Variants in CNIH3 observed in about 807,000 individuals in gnomAD.
The protein encoded by CNIH3 is protein cornichon homolog 3.
Under a neutral mutation model 24.1 loss-of-function variants are expected in CNIH3, and 14 were observed. The observed-to-expected ratio is 0.58, with a 90% confidence interval of 0.38 to 0.91. The LOEUF (loss-of-function observed/expected upper bound fraction) is 0.91, where lower values mean the gene tolerates loss of function less well. Among genes scored for constraint, CNIH3 ranks in the 40% least tolerant of loss-of-function variants. The pLI, the probability that CNIH3 is intolerant of heterozygous loss-of-function variation, is 0.00. For synonymous variants in CNIH3, 68 were observed against 73.8 expected (o/e 0.92, Z 0.40); for missense variants, 178 against 196.8 (o/e 0.90, Z 0.57).
intron 3 of CNIH3, among the ~76,000 whole-genome samples, chr1:224,559,282 A>T (rs1199729996): frequency 1.3e-5 from 2 of 152,120 alleles, no homozygotes; most frequent in Non-Finnish European, 2.9e-5. Flanking sequence ...CTTTTGTTTT[A>T]AAAAAATGAT....
In CNIH3 at chr1:224,723,963, C is replaced by A. The variant is rs545144350; in HGVS notation, c.199-6499C>A. 1.3e-4 allele frequency among the ~76,000 whole-genome samples: 20 copies of A among 152,296 alleles called. 1 individual carries two copies. The South Asian group carries it at 4.2e-3, about 32-fold the overall frequency. Reference sequence around the variant, plus strand: ...AGACATGATGGTTCACGCCGCTAATCCCCACAATTTGGGAGGCTGAGGTAG... The same window carrying A: ...AGACATGATGGTTCACGCCGCTAATACCCACAATTTGGGAGGCTGAGGTAG... On this transcript the variant is annotated intron_variant, in intron 3 of 5. Coordinates refer to ENST00000272133, the MANE Select transcript of CNIH3 (RefSeq NM_152495.2).
intron 1 of CNIH3, among the ~76,000 whole-genome samples, chr1:224,460,001 A>G (rs1251915412): frequency 6.7e-6 from 1 of 149,550 alleles, no homozygotes; most frequent in Non-Finnish European, 1.5e-5. Flanking sequence ...CTCAGCCCCC[A>G]GAGTTGCTGG....
intron 2 of CNIH3, among the ~76,000 whole-genome samples, chr1:224,544,734 A>G (rs549804285): frequency 8.5e-5 from 13 of 152,312 alleles, no homozygotes; most frequent in African/African-American, 2.9e-4. Flanking sequence ...AAGAGCTCTC[A>G]GTTACTCTTG....
At position 224,684,792 on chromosome 1, in the gene CNIH3, AT is replaced by A. The variant is rs748148085; in HGVS notation, c.151-3del. The A allele has an allele frequency of 2.2e-5, 36 of 1,613,798 alleles. No individual in the cohort carries two copies. The highest frequency in any genetic ancestry group is 3.0e-5 in the Non-Finnish European group (35 of 1,179,712). ...TCTCATTTCTTTCTTGTGCATCCTGATAGAGGGAACGGTTGAGGAACATCGA... is the reference window on the plus strand; with the variant it reads ...TCTCATTTCTTTCTTGTGCATCCTGAAGAGGGAACGGTTGAGGAACATCGA... On this transcript the variant is annotated splice_region_variant and splice_polypyrimidine_tract_variant and intron_variant, in intron 2 of 5. Transcript: ENST00000272133. The surrounding 1 kb of genome is among the most constrained non-coding windows in gnomAD (Gnocchi z 4.2).
At chr1:224,685,261 C>T (rs371996178) in intron 3 of CNIH3, among the ~76,000 whole-genome samples, 2 of 152,120 alleles carry the variant, frequency 1.3e-5, no homozygotes, top group Non-Finnish European at 2.9e-5. Flanking sequence ...CAGCGTGTCA[C>T]GCAGCTTTGC....
rs187869851 is a variant in CNIH3 at position 224,597,203 on chromosome 1, A to C, written n.402+30939A>C. Among the ~76,000 whole-genome samples the C allele has an allele frequency of 3.0e-3, 462 of 152,094 alleles. 1 individual carries two copies. The highest frequency in any genetic ancestry group is 0.01 in the African/African-American group (423 of 41,518). On this transcript the variant is annotated intron_variant and non_coding_transcript_variant, in intron 3 of 7. Coordinates refer to the CNIH3 transcript ENST00000478120. Reference sequence around the variant, plus strand: ...AAAAAAAACAAAAACCAAACCAAACAAAACAAAACAGAATCTCTAACTGAC... The same window carrying C: ...AAAAAAAACAAAAACCAAACCAAACCAAACAAAACAGAATCTCTAACTGAC...
In CNIH3 at chr1:224,709,453, T is replaced by C. The variant is rs114367162; in HGVS notation, c.199-21009T>C. On this transcript the variant is annotated intron_variant, in intron 3 of 5. Coordinates refer to ENST00000272133, the MANE Select transcript of CNIH3 (RefSeq NM_152495.2). ...AGTCTAGATGAGAGCCGAAGAACCATGTGGTATCCAGCCAGCTGCATGGAA... is the reference window on the plus strand; with the variant it reads ...AGTCTAGATGAGAGCCGAAGAACCACGTGGTATCCAGCCAGCTGCATGGAA... Among the ~76,000 whole-genome samples, 586 of 152,284 alleles carry C rather than the reference T, an allele frequency of 3.8e-3. 2 individuals carry two copies. The highest frequency in any genetic ancestry group is 0.014 in the African/African-American group (565 of 41,542).
rs143246006 is a variant in CNIH3 at position 224,642,308 on chromosome 1, G to A, written c.81+25053G>A. On this transcript the variant is annotated intron_variant, in intron 1 of 5. Coordinates refer to ENST00000272133, the MANE Select transcript of CNIH3 (RefSeq NM_152495.2). Reference sequence around the variant, plus strand: ...TACAGTGGTGCGATTATGGCTCACTGCAGCCTCAAAGCCCTGGGCTCAAGT... The same window carrying A: ...TACAGTGGTGCGATTATGGCTCACTACAGCCTCAAAGCCCTGGGCTCAAGT... 2.1e-3 allele frequency among the ~76,000 whole-genome samples: 316 copies of A among 152,230 alleles called. 1 individual carries two copies. The highest frequency in any genetic ancestry group is 7.1e-3 in the African/African-American group (294 of 41,530).
At chr1:224,452,216 C>A (rs1675429383) in intron 1 of CNIH3, among the ~76,000 whole-genome samples, 1 of 149,286 alleles carries the variant, frequency 6.7e-6, no homozygotes, top group East Asian at 2.0e-4. Context: ...GTGGCGCGAT[C>A]TCGGTTCACT....
At position 224,446,524 on chromosome 1, in the gene CNIH3, G is replaced by T. The variant is rs115778841; in HGVS notation, n.203+11662G>T. 5.5e-3 allele frequency among the ~76,000 whole-genome samples: 832 copies of T among 152,106 alleles called. 11 individuals are homozygous for T. The highest frequency in any genetic ancestry group is 0.018 in the African/African-American group (765 of 41,508). On this transcript the variant is annotated intron_variant and non_coding_transcript_variant, in intron 1 of 5. Coordinates refer to the CNIH3 transcript ENST00000471578. ...GTATCGGATGTTTTTTGATGCTAAC[G>T]TAAATGGTATGTTTAAAATTTCATT...
rs563129762 is a variant in CNIH3 at position 224,646,139 on chromosome 1, A to G, written c.81+28884A>G. On this transcript the variant is annotated intron_variant, in intron 1 of 5. Coordinates refer to ENST00000272133, the MANE Select transcript of CNIH3 (RefSeq NM_152495.2). ...TAAGATAGTAACTCTAACGTAAGAC[A>G]GCAGAGGTTTTCAGTGGAGGTTCAA... Among the ~76,000 whole-genome samples the G allele has an allele frequency of 8.2e-3, 890 of 108,416 alleles. 14 individuals are homozygous for G. The highest frequency in any genetic ancestry group is 0.034 in the African/African-American group (839 of 24,924). The allele number at this position is 108,416 out of a possible 152,430, so 71.1% of individuals were successfully genotyped here.
At chr1:224,642,960 G>A (rs960788367) in intron 1 of CNIH3, among the ~76,000 whole-genome samples, 2 of 152,164 alleles carry the variant, frequency 1.3e-5, no homozygotes, top group African/African-American at 4.8e-5. Context: ...AGAGTGCATT[G>A]TATCTGAACA....
At chr1:224,555,652 G>A (rs1680104122) in intron 3 of CNIH3, among the ~76,000 whole-genome samples, 1 of 152,200 alleles carries the variant, frequency 6.6e-6, no homozygotes, top group Non-Finnish European at 1.5e-5. Flanking sequence ...CAAATGTAAT[G>A]AAATACTTAT....
At chr1:224,461,904 G>C (rs1010424938) in intron 1 of CNIH3, among the ~76,000 whole-genome samples, 9 of 152,106 alleles carry the variant, frequency 5.9e-5, no homozygotes, top group African/African-American at 2.2e-4. Context: ...ACAGTATATA[G>C]TTTTTTGTGA....
rs572725205 is a variant in CNIH3, at chr1:224,562,932, A to G, written n.451-3267A>G. 3.3e-5 allele frequency among the ~76,000 whole-genome samples: 5 copies of G among 152,366 alleles called. No homozygotes were observed. The East Asian group carries it at 9.6e-4, about 29-fold the overall frequency. The stretch of plus-strand genomic sequence containing the variant: ...AGTGCTGAAAAGAGTGAGGAGCAAT[A>G]GAAGTTCCTATGTGCTACTGAAGAG... On this transcript the variant is annotated intron_variant and non_coding_transcript_variant, in intron 3 of 5. Coordinates refer to the CNIH3 transcript ENST00000471578.
intron 2 of CNIH3, among the ~76,000 whole-genome samples, chr1:224,544,199 C>T (rs1203483030): frequency 2.0e-5 from 3 of 152,200 alleles, no homozygotes; most frequent in African/African-American, 4.8e-5. Flanking sequence ...ATAGTCAGTT[C>T]ATTCAGAGTC....
At chr1:224,516,451 G>T (rs1056156293) in intron 1 of CNIH3, among the ~76,000 whole-genome samples, 3 of 151,880 alleles carry the variant, frequency 2.0e-5, no homozygotes, top group African/African-American at 7.3e-5. Flanking sequence ...GGCTTCCCAC[G>T]AGACTATGAA....
chr1:224,628,446 C>T (rs1683649772), intron 1 of CNIH3, among the ~76,000 whole-genome samples: 1 of 152,090 alleles, frequency 6.6e-6, no homozygotes, highest in Non-Finnish European at 1.5e-5. Context: ...CCCATTCTCT[C>T]CTCCCCAAGC....
chr1:224,648,600 GT>G (rs1380824501), intron 1 of CNIH3, among the ~76,000 whole-genome samples: 2 of 152,106 alleles, frequency 1.3e-5, no homozygotes, highest in Non-Finnish European at 2.9e-5. Context: ...AAAGCACACT[GT>G]TTGGGCTTGG....
Sources: gnomAD v4.1 joint callset for allele counts (sites outside exome capture counted in the v4.1 genomes callset) on GRCh38, gnomAD v4.1.1 for gene constraint, Gnocchi (gnomAD v3.1) non-coding constraint, MANE v1.5 for transcripts, NCBI Gene and HGNC (gene_info 2026-07-23, HGNC 2026-07-21) for gene names.